The following CHODL variants were observed in gnomAD, a reference collection of about 807,000 sequenced individuals.
CHODL encodes chondrolectin, also known as transmembrane protein MT75.
A neutral mutation model predicts 34.5 loss-of-function variants in CHODL; 29 were observed. The ratio of observed to expected loss-of-function variants is 0.84; its 90% CI spans 0.63 to 1.15. CHODL has a LOEUF of 1.15. CHODL is among the 50% of genes most tolerant of loss of function. The pLI is 0.00. For synonymous variants in CHODL, 125 were observed against 116.1 expected (o/e 1.08, Z -0.49); for missense variants, 332 against 332.5 (o/e 1.00, Z 0.01).
At chr21:18,210,424 T>C (rs924675511) in intron 2 of CHODL, among the ~76,000 whole-genome samples, 3 of 152,198 alleles carry the variant, frequency 2.0e-5, no homozygotes, top group Non-Finnish European at 4.4e-5. Flanking sequence ...AGTGACTCCT[T>C]CAGCGATATG....
chr21:18,009,643 G>T (rs554784885), intron 1 of CHODL, among the ~76,000 whole-genome samples: 47 of 152,104 alleles, frequency 3.1e-4, no homozygotes, highest in Admixed American at 2.9e-3. Context: ...AATAACATTT[G>T]GTTGGCAGGC....
chr21:18,053,915 A>G (rs985177597), intron 2 of CHODL, among the ~76,000 whole-genome samples: 9 of 148,612 alleles, frequency 6.1e-5, no homozygotes, highest in Non-Finnish European at 1.2e-4. Context: ...GACATATGAT[A>G]TATGACATAA....
chr21:18,176,303 T>A (rs140700274), intron 2 of CHODL, among the ~76,000 whole-genome samples: 2 of 152,314 alleles, frequency 1.3e-5, no homozygotes, highest in Admixed American at 6.5e-5. Flanking sequence ...AGGGATACAG[T>A]TAAGACCTTC....
chr21:17,998,457 G>A (rs2063872677), intron 1 of CHODL, among the ~76,000 whole-genome samples: 1 of 152,236 alleles, frequency 6.6e-6, no homozygotes, highest in Non-Finnish European at 1.5e-5. Context: ...TGGTGCCCCA[G>A]TAGGGAACCT....
chr21:17,919,129 G>A (rs572327261), intron 1 of CHODL, among the ~76,000 whole-genome samples: 1 of 152,310 alleles, frequency 6.6e-6, no homozygotes, highest in African/African-American at 2.4e-5. Flanking sequence ...GGCTTTTACA[G>A]GTGCGCAGTG....
At chr21:18,117,151 G>A (rs1186266716) in intron 2 of CHODL, among the ~76,000 whole-genome samples, 1 of 152,182 alleles carries the variant, frequency 6.6e-6, no homozygotes, top group East Asian at 1.9e-4. Context: ...GTTACCTCAT[G>A]AGCTGTCATA....
intron 2 of CHODL, among the ~76,000 whole-genome samples, chr21:18,028,631 G>T (rs1358605702): frequency 6.7e-6 from 1 of 150,324 alleles, no homozygotes; most frequent in Middle Eastern, 3.4e-3. Context: ...CCTGGGAGGC[G>T]GAGGTTGCAA....
At chr21:18,210,498 G>A (rs1054672994) in intron 2 of CHODL, among the ~76,000 whole-genome samples, 1 of 152,142 alleles carries the variant, frequency 6.6e-6, no homozygotes. Flanking sequence ...TTTTTTGTGT[G>A]TATAGTTGTT....
At chr21:18,215,268 C>A (rs539070135) in intron 2 of CHODL, among the ~76,000 whole-genome samples, 1 of 152,034 alleles carries the variant, frequency 6.6e-6, no homozygotes, top group Non-Finnish European at 1.5e-5. Flanking sequence ...CTATGATAAT[C>A]TTGTGCAGTC....
rs2074124823 is a variant in CHODL, at chr21:18,245,260, C to T, written c.37C>T (p.Leu13=). ...GGTCTCGCTGCTGCTGGGCGCCGCG[C>T]TGCTCTGCGGCCACGGAGCCTTCTG... is the stretch of plus-strand genomic sequence containing the variant. ...RVVSLLLGAA[L]LCGHGAFCRR... is the part of the protein sequence containing the mutation. Residue 13 remains leucine (L), a synonymous_variant, in exon 1 of 6, where the codon CTG becomes TTG. Transcript: ENST00000299295. 6.6e-7 allele frequency: 1 copy of T among 1,524,872 alleles called. No individual in the cohort carries two copies. Among genetic ancestry groups the T allele is most frequent in the Non-Finnish European group, 8.8e-7 (1 of 1,142,814 alleles). 94.5% of individuals were successfully genotyped at this position (1,524,872 alleles called of 1,614,324 possible). A position where few individuals can be genotyped will look rare whatever the true frequency, so the allele number is the denominator to read the frequency against.
rs538500498 is a variant in CHODL, at chr21:18,051,789, A to G, written c.-45+23818A>G. On this transcript the variant is annotated intron_variant, in intron 2 of 6. Coordinates refer to the CHODL transcript ENST00000400127. The stretch of plus-strand genomic sequence containing the variant: ...ATCTAGGCAGAATGGTAGGATGATA[A>G]AAAGTTTGCTGTTGATGAAGAAAAT... Among the ~76,000 whole-genome samples the G allele has an allele frequency of 4.6e-5, 7 of 152,078 alleles. No individual in the cohort carries two copies. The East Asian group carries it at 1.4e-3, about 30-fold the overall frequency.
At chr21:18,256,894 G>A in intron 2 of CHODL, 76 bp downstream of exon 2, 1 of 1,580,470 alleles carries the variant, frequency 6.3e-7, no homozygotes, top group Non-Finnish European at 8.6e-7. Flanking sequence ...GTTACCTGTA[G>A]AGGATGTCAG....
At chr21:17,950,777 A>G (rs947389196) in intron 1 of CHODL, among the ~76,000 whole-genome samples, 1 of 152,130 alleles carries the variant, frequency 6.6e-6, no homozygotes, top group Non-Finnish European at 1.5e-5. Context: ...AAGAGCCCCA[A>G]TTGCCAAGTA....
intron 2 of CHODL, among the ~76,000 whole-genome samples, chr21:18,197,831 GGAA>G (rs1325895341): frequency 1.3e-5 from 2 of 152,136 alleles, no homozygotes; most frequent in Non-Finnish European, 2.9e-5. Flanking sequence ...TCAAATGGGA[GGAA>G]GAAGAAGAAA....
chr21:18,240,937 T>C (rs549815948), upstream of CHODL, among the ~76,000 whole-genome samples: 1 of 152,332 alleles, frequency 6.6e-6, no homozygotes, highest in South Asian at 2.1e-4. Flanking sequence ...TTAATGTGTA[T>C]AATTCTTCAT....
intron 1 of CHODL, among the ~76,000 whole-genome samples, chr21:17,925,770 A>G (rs553143894): frequency 6.6e-6 from 1 of 152,316 alleles, no homozygotes; most frequent in African/African-American, 2.4e-5. Context: ...AGTGAGCCAC[A>G]CACTTTCTGA....
intron 2 of CHODL, among the ~76,000 whole-genome samples, chr21:18,039,214 T>C (rs1284313182): frequency 6.6e-6 from 1 of 151,788 alleles, no homozygotes; most frequent in East Asian, 1.9e-4. Context: ...CTGAGAGATA[T>C]ATATCTGTTA....
intron 1 of CHODL, among the ~76,000 whole-genome samples, chr21:17,935,843 G>A (rs1182727498): frequency 6.6e-6 from 1 of 152,184 alleles, no homozygotes; most frequent in African/African-American, 2.4e-5. Flanking sequence ...GCTGATTGAG[G>A]TGATGTAAGG....
At chr21:17,989,478 A>G (rs2063780180) in intron 1 of CHODL, among the ~76,000 whole-genome samples, 1 of 152,160 alleles carries the variant, frequency 6.6e-6, no homozygotes, top group African/African-American at 2.4e-5. Context: ...AACTCCAGGG[A>G]GCACAAAATT....
Sources: gnomAD v4.1 joint callset for allele counts (sites outside exome capture counted in the v4.1 genomes callset) on GRCh38, gnomAD v4.1.1 for gene constraint, MANE v1.5 for transcripts, NCBI Gene and HGNC (gene_info 2026-07-23, HGNC 2026-07-21) for gene names.